KIF13A: variants seen among roughly 807,000 people sequenced by gnomAD.
KIF13A encodes the protein kinesin family member 13A.
Under a neutral mutation model 212.2 loss-of-function variants are expected in KIF13A, and 79 were observed. That is an observed-to-expected ratio of 0.37 (90% CI 0.31 to 0.45). The LOEUF is 0.45. Ranked by LOEUF, KIF13A falls within the 20% of genes least tolerant of loss-of-function variation. KIF13A has a pLI of 1.00. For synonymous variants in KIF13A, 789 were observed against 808.6 expected (o/e 0.98, Z 0.41); for missense variants, 1,901 against 2,209.0 (o/e 0.86, Z 2.79).
chr6:17,924,840 T>C (rs1004397696), intron 2 of KIF13A, among the ~76,000 whole-genome samples: 1 of 152,210 alleles, frequency 6.6e-6, no homozygotes, highest in African/African-American at 2.4e-5. Context: ...TTTTCTTTTA[T>C]TAGTGATCAT....
In KIF13A at chr6:17,771,999, T is replaced by C; in HGVS notation, c.4385A>G (p.Gln1462Arg). Residue 1462 changes from glutamine to arginine, a missense_variant, in exon 37 of 39, where the codon CAG becomes CGG. Physicochemically the swap from Gln to Arg is conservative, Grantham distance 43. Around this residue, in one of 5 missense-constraint regions of KIF13A, gnomAD observed 687 missense variants for 759.1 expected, o/e 0.90. Coordinates refer to ENST00000259711, the MANE Select transcript of KIF13A (RefSeq NM_022113.6). The surrounding 1 kb of genome is among the most constrained non-coding windows in gnomAD (Gnocchi z 5.4). ...TAGGGGCTTGAAAAACTTTGGTGGC[T>C]GAGGAGAGAATGCTTTAAAAGGGCT... ...TVSPFKAFSPQPPKFFKPLMP... is the reference protein window; with the variant it reads ...TVSPFKAFSPRPPKFFKPLMP... The C allele has an allele frequency of 6.2e-7, 1 of 1,613,922 alleles. No individual in the cohort carries two copies. The highest frequency in any genetic ancestry group is 8.5e-7 in the Non-Finnish European group (1 of 1,179,834).
chr6:17,835,091 C>T (rs1765808942), intron 11 of KIF13A, among the ~76,000 whole-genome samples: 2 of 150,302 alleles, frequency 1.3e-5, no homozygotes. Context: ...GAGGCTGAGG[C>T]AAAAGAATCA....
At position 17,794,517 on chromosome 6, in the gene KIF13A, G is replaced by GCA; in HGVS notation, c.3075+54_3075+55insTG. ...GTTAGAAAATCCCCAGAAACAATGT[G>GCA]TAAGAGTGGAACAGAGAGAAAACAT... On this transcript the variant is annotated intron_variant, in intron 24 of 38. Transcript: ENST00000259711. This position sits in a 1 kb window ranked among gnomAD's most constrained non-coding sequence, Gnocchi z 4.1. 6.4e-7 allele frequency: 1 copy of GCA among 1,574,662 alleles called. No individual in the cohort carries two copies. The highest frequency in any genetic ancestry group is 8.6e-7 in the Non-Finnish European group (1 of 1,161,644).
At position 17,771,753 on chromosome 6, in the gene KIF13A, T is replaced by C; in HGVS notation, c.4476+155A>G. On this transcript the variant is annotated intron_variant, in intron 37 of 38. Coordinates refer to ENST00000259711, the MANE Select transcript of KIF13A (RefSeq NM_022113.6). This position sits in a 1 kb window ranked among gnomAD's most constrained non-coding sequence, Gnocchi z 5.4. Reference sequence around the variant, plus strand: ...CAAACAAGAGATTCTACCATGACTCTGCATGCTTGAGAAAGAGGAATTCGA... The same window carrying C: ...CAAACAAGAGATTCTACCATGACTCCGCATGCTTGAGAAAGAGGAATTCGA... 1 of 654,520 alleles carries C rather than the reference T, an allele frequency of 1.5e-6. No individual in the cohort carries two copies. The highest frequency in any genetic ancestry group is 2.7e-6 in the Non-Finnish European group (1 of 372,392). The allele number at this position is 654,520 out of a possible 1,614,324, so 40.5% of individuals were successfully genotyped here. A position where few individuals can be genotyped will look rare whatever the true frequency, so the allele number is the denominator to read the frequency against.
intron 31 of KIF13A, among the ~76,000 whole-genome samples, chr6:17,780,204 A>C (rs1031949389): frequency 3.3e-5 from 5 of 152,216 alleles, no homozygotes; most frequent in Admixed American, 3.3e-4. Context: ...TTGACTACAG[A>C]ATCTGCAGCA....
chr6:17,774,313 T>A (rs950344845), intron 35 of KIF13A, among the ~76,000 whole-genome samples: 11 of 152,178 alleles, frequency 7.2e-5, no homozygotes, highest in African/African-American at 2.4e-4. Flanking sequence ...TAATTTTAAA[T>A]CCCCTCTTTT....
intron 3 of KIF13A, among the ~76,000 whole-genome samples, chr6:17,881,211 A>C (rs535589377): frequency 6.6e-6 from 1 of 152,198 alleles, no homozygotes; most frequent in Non-Finnish European, 1.5e-5. Flanking sequence ...CTTGTGGTAC[A>C]TCTGCTCCAC....
chr6:17,951,245 A>G lies in KIF13A; in HGVS notation c.146+35809T>C. On this transcript the variant is annotated intron_variant, in intron 2 of 38. Coordinates refer to ENST00000259711, the MANE Select transcript of KIF13A (RefSeq NM_022113.6). The surrounding 1 kb of genome is among the most constrained non-coding windows in gnomAD (Gnocchi z 4.9). ...ACAGCTCACTGGAGCCTCCTGCCTC[A>G]GTCTCCTGAGTAGCTGGGACCACAG... The G allele has an allele frequency of 1.4e-6, 1 of 701,072 alleles. No homozygotes were observed. Among genetic ancestry groups the G allele is most frequent in the South Asian group, 3.1e-5 (1 of 32,504 alleles). 43.4% of individuals were successfully genotyped at this position (701,072 alleles called of 1,614,324 possible). A position where few individuals can be genotyped will look rare whatever the true frequency, so the allele number is the denominator to read the frequency against.
At chr6:17,795,530 G>A (rs1020262173) in intron 23 of KIF13A, among the ~76,000 whole-genome samples, 1 of 151,682 alleles carries the variant, frequency 6.6e-6, no homozygotes, top group Non-Finnish European at 1.5e-5. Flanking sequence ...AGGAGGTGGA[G>A]GTTGCAGTGA....
At chr6:17,920,235 A>T (rs1409964895) in intron 2 of KIF13A, among the ~76,000 whole-genome samples, 1 of 152,192 alleles carries the variant, frequency 6.6e-6, no homozygotes, top group Non-Finnish European at 1.5e-5. Flanking sequence ...CAAACCTGTC[A>T]TGAAACATGT....
rs991402652 is a variant in KIF13A, at chr6:17,979,272, G to A, written c.146+7782C>T. 5.9e-5 allele frequency among the ~76,000 whole-genome samples: 9 copies of A among 152,152 alleles called. No homozygotes were observed. In the South Asian group the frequency reaches 6.2e-4, roughly 11 times the overall value. ...TGTGCCACTGCACTCCAGCCTAGGC[G>A]ACAGAACGAGACTCCATCTAAAAAA... is the stretch of plus-strand genomic sequence containing the variant. On this transcript the variant is annotated intron_variant, in intron 2 of 38. Transcript: ENST00000259711.
chr6:17,941,526 A>C (rs1315967875), intron 2 of KIF13A, among the ~76,000 whole-genome samples: 1 of 152,168 alleles, frequency 6.6e-6, no homozygotes, highest in Non-Finnish European at 1.5e-5. Flanking sequence ...CTAATGCATT[A>C]TGACTGGTGT....
chr6:17,976,627 G>A (rs551607719), intron 2 of KIF13A, among the ~76,000 whole-genome samples: 19 of 152,344 alleles, frequency 1.2e-4, no homozygotes, highest in Admixed American at 1.2e-3. Context: ...GCCCAGAAAG[G>A]GGATCCCACA....
chr6:17,887,863 T>C (rs981045375), intron 3 of KIF13A, among the ~76,000 whole-genome samples: 2 of 149,960 alleles, frequency 1.3e-5, no homozygotes, highest in Admixed American at 6.6e-5. Context: ...CCAGCTAATT[T>C]TTTTTTTTTT....
intron 3 of KIF13A, among the ~76,000 whole-genome samples, chr6:17,893,889 G>A (rs2150475465): frequency 7.0e-6 from 1 of 142,726 alleles, no homozygotes; most frequent in Admixed American, 7.2e-5. Context: ...GCCCAGGCTG[G>A]AGTGCAGTGG....
Position 17,831,090 on chromosome 6 carries a change from T to C in KIF13A, c.1401+11A>G. On this transcript the variant is annotated intron_variant, in intron 13 of 38. Transcript: ENST00000259711. ...AATCTTGATTGCATATGTATTTATA[T>C]GTTCTCCTACCTTTAAATAATAAAC... 1 of 1,606,968 alleles carries C rather than the reference T, an allele frequency of 6.2e-7. No individual in the cohort carries two copies. Among genetic ancestry groups the C allele is most frequent in the Non-Finnish European group, 8.5e-7 (1 of 1,176,760 alleles).
chr6:17,770,819 T>G, intron 38 of KIF13A: 1 of 914,488 alleles, frequency 1.1e-6, no homozygotes, highest in Non-Finnish European at 1.4e-6. Flanking sequence ...ATTAGAAAGA[T>G]TTTGGTATTA....
At chr6:17,797,942 TA>T (rs1316306531) in intron 22 of KIF13A, among the ~76,000 whole-genome samples, 6 of 152,012 alleles carry the variant, frequency 3.9e-5, no homozygotes, top group Non-Finnish European at 7.4e-5. Flanking sequence ...AGGAAATGAA[TA>T]CTGAACTGAC....
In KIF13A at chr6:17,764,667, C is replaced by T. The variant is rs1228979076; in HGVS notation, c.4861G>A (p.Asp1621Asn). 6.2e-7 allele frequency: 1 copy of T among 1,613,830 alleles called. No individual in the cohort carries two copies. Among genetic ancestry groups the T allele is most frequent in the Non-Finnish European group, 8.5e-7 (1 of 1,179,840 alleles). ...TCCTTCGTCTGAATGGCCAGCTGGT[C>T]TGAGCTGTCACTAGAAGGGACCACC... The part of the protein sequence containing the change: ...DMVVPSSDSS[D>N]QLAIQTKDAD... Residue 1621 changes from aspartate (D) to asparagine (N), a missense_variant, in exon 39 of 39, where the codon GAC becomes AAC. By Grantham distance (23) the Asp-to-Asn change is conservative. Coordinates refer to ENST00000259711, the MANE Select transcript of KIF13A (RefSeq NM_022113.6). This position sits in a 1 kb window ranked among gnomAD's most constrained non-coding sequence, Gnocchi z 5.1.
Sources: gnomAD v4.1 joint callset for allele counts (sites outside exome capture counted in the v4.1 genomes callset) on GRCh38, gnomAD v4.1.1 for gene constraint, gnomAD v4.1.1 regional missense constraint, Gnocchi (gnomAD v3.1) non-coding constraint, MANE v1.5 for transcripts, NCBI Gene and HGNC (gene_info 2026-07-23, HGNC 2026-07-21) for gene names.